DESI2: variants seen among roughly 807,000 people sequenced by gnomAD.
DESI2 encodes deubiquitinase DESI2.
A neutral mutation model predicts 24.1 loss-of-function variants in DESI2; 10 were observed. The observed-to-expected ratio is 0.41, with a 90% CI of 0.26 to 0.70. The LOEUF (loss-of-function observed/expected upper bound fraction) is 0.70. DESI2 is among the 30% of genes least tolerant of loss of function. DESI2 has a pLI of 0.29. For synonymous variants in DESI2, 71 were observed against 87.7 expected (o/e 0.81, Z 1.06); for missense variants, 122 against 234.9 (o/e 0.52, Z 3.14).
chr1:244,694,051 T>C (rs1443094148), intron 4 of DESI2, among the ~76,000 whole-genome samples: 1 of 152,238 alleles, frequency 6.6e-6, no homozygotes, highest in Non-Finnish European at 1.5e-5. Context: ...TGGGGACGTA[T>C]GTCATAAGCA....
chr1:244,687,730 A>G (rs927309177), intron 2 of DESI2, among the ~76,000 whole-genome samples: 1 of 152,234 alleles, frequency 6.6e-6, no homozygotes, highest in Admixed American at 6.5e-5. Context: ...GTCTGCATCT[A>G]CCAAATAATC....
intron 3 of DESI2, among the ~76,000 whole-genome samples, chr1:244,690,647 G>A (rs1676992067): frequency 2.0e-5 from 3 of 151,906 alleles, no homozygotes; most frequent in African/African-American, 7.2e-5. Context: ...AGAGGATGCG[G>A]TGAGCTGAGG....
At chr1:244,666,214 C>T (rs1442733947) in intron 1 of DESI2, among the ~76,000 whole-genome samples, 6 of 152,170 alleles carry the variant, frequency 3.9e-5, no homozygotes, top group African/African-American at 4.8e-5. Flanking sequence ...GCAGTTTTCT[C>T]ATCCTTCCAC....
At chr1:244,688,704 G>GTGGA (rs34112791) in intron 2 of DESI2, among the ~76,000 whole-genome samples, 58,845 of 151,800 alleles carry the variant, frequency 0.39, 13,015 homozygotes, top group Middle Eastern at 0.52. Flanking sequence ...GGATGGGAGG[G>GTGGA]TGGATGGGTA....
chr1:244,696,815 C>T (rs1677233016), intron 4 of DESI2, among the ~76,000 whole-genome samples: 1 of 152,182 alleles, frequency 6.6e-6, no homozygotes, highest in South Asian at 2.1e-4. Flanking sequence ...CTTTGCCTAA[C>T]CTGTTTGTAC....
intron 1 of DESI2, among the ~76,000 whole-genome samples, chr1:244,684,022 G>T (rs143442389): frequency 1.3e-3 from 199 of 151,922 alleles, no homozygotes; most frequent in Non-Finnish European, 2.1e-3. Flanking sequence ...TCTTTTTATG[G>T]CTAAAGAGTA....
chr1:244,684,432 A>G (rs2813912), intron 1 of DESI2, among the ~76,000 whole-genome samples: 110,483 of 152,060 alleles, frequency 0.73, 40,458 homozygotes, highest in Non-Finnish European at 0.78. Flanking sequence ...TTTTGTTGCA[A>G]TTGGTGGTAG....
At chr1:244,695,342 T>A (rs1401204611) in intron 4 of DESI2, among the ~76,000 whole-genome samples, 1 of 152,234 alleles carries the variant, frequency 6.6e-6, no homozygotes, top group Non-Finnish European at 1.5e-5. Context: ...ACTCGTCTAA[T>A]CTAAATGTCT....
chr1:244,670,492 T>C (rs1414418903), intron 1 of DESI2, among the ~76,000 whole-genome samples: 1 of 152,230 alleles, frequency 6.6e-6, no homozygotes, highest in African/African-American at 2.4e-5. Flanking sequence ...TAAATACGCG[T>C]TCTGGCTACA....
chr1:244,700,669 C>CT (rs1558669364), intron 4 of DESI2, among the ~76,000 whole-genome samples: 1 of 152,074 alleles, frequency 6.6e-6, no homozygotes, highest in Non-Finnish European at 1.5e-5. Context: ...TTCATAGTGA[C>CT]GTTTCTACTA....
intron 1 of DESI2, chr1:244,653,631 G>A: frequency 3.8e-6 from 2 of 521,160 alleles, no homozygotes; most frequent in Non-Finnish European, 6.8e-6. Context: ...CCCCGGCTCT[G>A]GGCCCGACCC....
intron 1 of DESI2, among the ~76,000 whole-genome samples, chr1:244,665,466 C>T (rs1486366440): frequency 1.3e-5 from 2 of 152,190 alleles, no homozygotes; most frequent in Non-Finnish European, 2.9e-5. Context: ...CTGTGGCACT[C>T]ATGGATATAC....
At chr1:244,659,611 T>C (rs1451087974) in intron 1 of DESI2, among the ~76,000 whole-genome samples, 1 of 152,208 alleles carries the variant, frequency 6.6e-6, no homozygotes, top group East Asian at 1.9e-4. Flanking sequence ...TGACTTCACT[T>C]TCCTCCACAT....
chr1:244,689,048 G>A lies in DESI2; in HGVS notation c.116-201G>A, dbSNP rs1676925139. ...ATGGCAGGCAAGAATATCTTTGAGT[G>A]TCTTCTGTTATTTGAGTTTCGGGTC... On this transcript the variant is annotated intron_variant, in intron 2 of 4. Transcript: ENST00000302550. This position sits in a 1 kb window ranked among gnomAD's most constrained non-coding sequence, Gnocchi z 4.0. 6.6e-6 allele frequency among the ~76,000 whole-genome samples: 1 copy of A among 152,180 alleles called. No homozygotes were observed. Among genetic ancestry groups the A allele is most frequent in the African/African-American group, 2.4e-5 (1 of 41,446 alleles).
rs765755818 is a variant in DESI2, at chr1:244,653,371, G to A, written c.42+16G>A. 2.8e-5 allele frequency: 43 copies of A among 1,543,574 alleles called. No individual in the cohort carries two copies. The highest frequency in any genetic ancestry group is 3.7e-5 in the Non-Finnish European group (43 of 1,152,082). On this transcript the variant is annotated intron_variant, in intron 1 of 4. Coordinates refer to ENST00000302550, the MANE Select transcript of DESI2 (RefSeq NM_016076.5). Reference sequence around the variant, plus strand: ...GTACGACATGGTGAGTGCGGCCCCTGGCGGCCCCGAGCCCTGGCCCAGGCC... The same window carrying A: ...GTACGACATGGTGAGTGCGGCCCCTAGCGGCCCCGAGCCCTGGCCCAGGCC...
intron 1 of DESI2, chr1:244,653,933 A>G (rs1675555997): frequency 2.1e-6 from 1 of 471,252 alleles, no homozygotes; most frequent in South Asian, 1.5e-5. Context: ...TAAAATATGA[A>G]TGAGGCTAAC....
chr1:244,681,679 C>T (rs4328062), intron 1 of DESI2, among the ~76,000 whole-genome samples: 54,973 of 152,200 alleles, frequency 0.36, 11,786 homozygotes, highest in Non-Finnish European at 0.49. Context: ...ATGAACAACA[C>T]GTCTCAGTTT....
chr1:244,694,175 T>A (rs745627619), intron 4 of DESI2, among the ~76,000 whole-genome samples: 13 of 152,248 alleles, frequency 8.5e-5, no homozygotes, highest in Non-Finnish European at 1.9e-4. Flanking sequence ...CGTAATGTTA[T>A]CAGTTCCGAT....
intron 4 of DESI2, among the ~76,000 whole-genome samples, chr1:244,695,618 A>C (rs1258632681): frequency 6.6e-6 from 1 of 152,196 alleles, no homozygotes; most frequent in African/African-American, 2.4e-5. Flanking sequence ...GTGCTGTTGC[A>C]CTCCATCCTG....
Sources: allele counts gnomAD v4.1 joint callset (sites outside exome capture counted in the v4.1 genomes callset), GRCh38; gene constraint gnomAD v4.1.1; non-coding constraint Gnocchi (gnomAD v3.1); transcripts MANE v1.5; gene names NCBI Gene and HGNC (gene_info 2026-07-23, HGNC 2026-07-21).